The following TENT2 variants were observed in gnomAD, a reference collection of about 807,000 sequenced individuals.
The protein encoded by TENT2 is poly(A) RNA polymerase GLD2.
TENT2 carries 44 observed loss-of-function variants against 72.2 expected under a neutral mutation model. The ratio of observed to expected loss-of-function variants is 0.61; its 90% confidence interval spans 0.48 to 0.78. The LOEUF (loss-of-function observed/expected upper bound fraction) is 0.78, where lower values mean the gene tolerates loss of function less well. Ranked by LOEUF, TENT2 falls within the 30% of genes least tolerant of loss-of-function variation. TENT2 has a pLI of 0.00. For missense variants in TENT2, 541 were observed against 569.6 expected (o/e 0.95, Z 0.51); for synonymous variants, 212 against 192.5 (o/e 1.10, Z -0.84).
At chr5:79,629,031 A>G (rs1375822237) in intron 4 of TENT2, among the ~76,000 whole-genome samples, 1 of 152,200 alleles carries the variant, frequency 6.6e-6, no homozygotes, top group African/African-American at 2.4e-5. Context: ...CTGTTAAGGT[A>G]GAGACAAAAG....
At chr5:79,678,589 G>A (rs974416396) in intron 12 of TENT2, among the ~76,000 whole-genome samples, 1 of 151,952 alleles carries the variant, frequency 6.6e-6, no homozygotes, top group Non-Finnish European at 1.5e-5. Flanking sequence ...ACTAAATACT[G>A]GACAGGCCTG....
chr5:79,646,004 C>G (rs1197336603), intron 8 of TENT2, among the ~76,000 whole-genome samples: 1 of 152,148 alleles, frequency 6.6e-6, no homozygotes, highest in African/African-American at 2.4e-5. Flanking sequence ...TTTCAGATCA[C>G]CCAATACCAT....
intron 4 of TENT2, among the ~76,000 whole-genome samples, chr5:79,626,528 T>C (rs1259461440): frequency 1.3e-5 from 2 of 151,938 alleles, no homozygotes; most frequent in Non-Finnish European, 2.9e-5. Flanking sequence ...AGGATGGTTT[T>C]GATCTCCTGA....
chr5:79,670,844 G>T (rs1208498932), intron 12 of TENT2, among the ~76,000 whole-genome samples: 1 of 151,088 alleles, frequency 6.6e-6, no homozygotes, highest in Non-Finnish European at 1.5e-5. Flanking sequence ...TCAAGCTTAG[G>T]GAATTTGTGT....
At chr5:79,615,484 G>A (rs1448548732) in intron 1 of TENT2, among the ~76,000 whole-genome samples, 1 of 152,138 alleles carries the variant, frequency 6.6e-6, no homozygotes, top group Admixed American at 6.5e-5. Flanking sequence ...CACTAGATTT[G>A]TAGTGTCTAT....
At chr5:79,683,414 G>A (rs550341632) in intron 14 of TENT2, among the ~76,000 whole-genome samples, 12 of 152,184 alleles carry the variant, frequency 7.9e-5, no homozygotes, top group Admixed American at 7.2e-4. Context: ...GAGGCTGAGT[G>A]GAGAGAAAAG....
intron 3 of TENT2, among the ~76,000 whole-genome samples, chr5:79,621,900 C>T (rs1391815700): frequency 6.6e-6 from 1 of 151,950 alleles, no homozygotes; most frequent in Non-Finnish European, 1.5e-5. Flanking sequence ...ATTAAATATA[C>T]TTTTATGCAT....
chr5:79,641,211 A>G lies in TENT2; in HGVS notation c.672+15A>G, dbSNP rs756235987. On this transcript the variant is annotated intron_variant, in intron 6 of 14. Transcript: ENST00000453514. ...AGGAAGAACCAGTAAGTAAGGAAACATTTATTCCAAGTGTGTTTCTCATGT... is the reference window on the plus strand; with the variant it reads ...AGGAAGAACCAGTAAGTAAGGAAACGTTTATTCCAAGTGTGTTTCTCATGT... 6.6e-7 allele frequency: 1 copy of G among 1,525,498 alleles called. No homozygotes were observed. The highest frequency in any genetic ancestry group is 8.8e-7 in the Non-Finnish European group (1 of 1,142,254). The allele number at this position is 1,525,498 out of a possible 1,614,324, so 94.5% of individuals were successfully genotyped here.
At chr5:79,675,310 G>A (rs1816370416) in intron 12 of TENT2, among the ~76,000 whole-genome samples, 1 of 152,182 alleles carries the variant, frequency 6.6e-6, no homozygotes, top group African/African-American at 2.4e-5. Flanking sequence ...AGAATATATG[G>A]ACACAGGTAA....
intron 11 of TENT2, among the ~76,000 whole-genome samples, chr5:79,665,268 A>G (rs1273164115): frequency 6.6e-6 from 1 of 152,146 alleles, no homozygotes; most frequent in African/African-American, 2.4e-5. Context: ...TCTTTTAATA[A>G]CGTAAATTTC....
intron 8 of TENT2, among the ~76,000 whole-genome samples, chr5:79,645,742 ATTAG>A (rs557653752): frequency 3.6e-4 from 55 of 152,272 alleles, no homozygotes; most frequent in South Asian, 2.1e-3. Context: ...TGATTATTTC[ATTAG>A]TTAAACTGAT....
Position 79,623,397 on chromosome 5 carries a change from T to G in TENT2, c.373T>G (p.Tyr125Asp). The change falls in exon 4 of 15, where the codon TAT becomes GAT. Residue 125 changes from tyrosine to aspartate, a missense_variant. Transcript: ENST00000453514. ...YSMPPLFHTH[Y>D]VPDIVRCVPP... ...AATGCCACCATTGTTTCATACACAT[T>G]ATGTACCAGATATAGTCAGATGTGT... 1 of 1,613,538 alleles carries G rather than the reference T, an allele frequency of 6.2e-7. No individual in the cohort carries two copies. Among genetic ancestry groups the G allele is most frequent in the South Asian group, 1.1e-5 (1 of 91,030 alleles).
intron 10 of TENT2, among the ~76,000 whole-genome samples, chr5:79,656,064 C>T (rs1202514796): frequency 6.6e-6 from 1 of 151,894 alleles, no homozygotes; most frequent in African/African-American, 2.4e-5. Context: ...AGTTGTTATA[C>T]ATAGTGTATT....
chr5:79,668,682 G>A (rs1810454699), intron 11 of TENT2: 1 of 491,852 alleles, frequency 2.0e-6, no homozygotes, highest in Admixed American at 3.5e-5. Flanking sequence ...CTCAAGCCAA[G>A]GATTAGAATG....
rs76945519 is a variant in TENT2 at position 79,624,374 on chromosome 5, A to G, written c.465+885A>G. On this transcript the variant is annotated intron_variant, in intron 4 of 14. Transcript: ENST00000453514. ...AAAAGCAACATCTGCTTCATTCCTT[A>G]GTTGTGCTGCTTTTTTATTCCTCTA... Among the ~76,000 whole-genome samples the G allele has an allele frequency of 8.7e-4, 133 of 152,280 alleles. 5 individuals are homozygous for G. The East Asian group carries it at 0.024, about 28-fold the overall frequency.
chr5:79,681,914 A>G, intron 13 of TENT2, 68 bp from the exon 14 acceptor site: 1 of 1,347,254 alleles, frequency 7.4e-7, no homozygotes, highest in Non-Finnish European at 1.0e-6. Flanking sequence ...GACAGTATCA[A>G]ACCTAAAAAA....
At chr5:79,665,214 T>G (rs1806491433) in intron 11 of TENT2, among the ~76,000 whole-genome samples, 1 of 152,210 alleles carries the variant, frequency 6.6e-6, no homozygotes, top group South Asian at 2.1e-4. Flanking sequence ...AACATACATT[T>G]CTAGGATCTC....
At chr5:79,621,757 C>CAAA (rs397998298) in intron 3 of TENT2, among the ~76,000 whole-genome samples, 1 of 83,296 alleles carries the variant, frequency 1.2e-5, no homozygotes, top group Non-Finnish European at 2.3e-5. Flanking sequence ...GACTCTATCT[C>CAAA]AAAAAAAAAA....
intron 4 of TENT2, among the ~76,000 whole-genome samples, chr5:79,626,609 C>T (rs1331088862): frequency 6.7e-6 from 1 of 148,196 alleles, no homozygotes; most frequent in Non-Finnish European, 1.5e-5. Flanking sequence ...ACCCGGCCAC[C>T]TGGCTAATGT....
Sources: gnomAD v4.1 joint callset for allele counts (sites outside exome capture counted in the v4.1 genomes callset) on GRCh38, gnomAD v4.1.1 for gene constraint, MANE v1.5 for transcripts, NCBI Gene and HGNC (gene_info 2026-07-23, HGNC 2026-07-21) for gene names.